SLC26A7: variants seen among roughly 807,000 people sequenced by gnomAD.
SLC26A7 encodes solute carrier family 26 member 7, also known as anion exchange transporter.
Under a neutral mutation model 82.5 loss-of-function variants are expected in SLC26A7, and 59 were observed. The observed-to-expected ratio is 0.72, with a 90% CI of 0.58 to 0.89. The LOEUF (loss-of-function observed/expected upper bound fraction) is 0.89. Among genes scored for constraint, SLC26A7 ranks in the 40% least tolerant of loss-of-function variants. The pLI, the probability that SLC26A7 is intolerant of heterozygous loss-of-function variation, is 0.00. For missense variants in SLC26A7, 820 were observed against 793.0 expected, an observed-to-expected ratio of 1.03 and a Z score of -0.41; for synonymous variants, 271 against 274.3, an observed-to-expected ratio of 0.99 and a Z score of 0.12.
intron 4 of SLC26A7, among the ~76,000 whole-genome samples, chr8:91,308,281 C>G (rs1268670628): frequency 1.5e-5 from 2 of 133,880 alleles, no homozygotes; most frequent in African/African-American, 5.6e-5. Flanking sequence ...GTGTGTGTGT[C>G]TACATATAAT....
At chr8:91,311,756 G>A (rs1322067796) in intron 4 of SLC26A7, among the ~76,000 whole-genome samples, 2 of 152,192 alleles carry the variant, frequency 1.3e-5, no homozygotes, top group African/African-American at 2.4e-5. Context: ...AAGGGGAAAA[G>A]CAGGCTAGGG....
intron 4 of SLC26A7, among the ~76,000 whole-genome samples, chr8:91,297,996 C>T (rs1252120350): frequency 5.3e-5 from 8 of 152,162 alleles, no homozygotes; most frequent in Middle Eastern, 3.2e-3. Context: ...GAAATGCTCT[C>T]ACCTGCAAGG....
intron 3 of SLC26A7, among the ~76,000 whole-genome samples, chr8:91,291,777 C>G (rs911654051): frequency 2.0e-5 from 3 of 152,178 alleles, no homozygotes; most frequent in African/African-American, 7.2e-5. Flanking sequence ...ATCTTATAGT[C>G]TACTTGATAA....
intron 2 of SLC26A7, among the ~76,000 whole-genome samples, chr8:91,270,405 A>C (rs147547261): frequency 0.01 from 1,581 of 152,238 alleles, 19 homozygotes; most frequent in African/African-American, 0.036. Flanking sequence ...GAACTTAAAC[A>C]CTGCACTAGA....
chr8:91,343,430 GACGGCTGGCCTGTACAGC>G lies in SLC26A7; in HGVS notation c.1107_1124del (p.Ala370_Thr375del). 1 of 1,612,766 alleles carries G rather than the reference GACGGCTGGCCTGTACAGC, an allele frequency of 6.2e-7. No homozygotes were observed. The stretch of plus-strand genomic sequence containing the variant: ...TACCAAGTGCTGCTGCCATGGGAAG[GACGGCTGGCCTGTACAGC>G]ACAGGAGCGAAGACACAGGTAACTG... On this transcript the variant is annotated inframe_deletion, in exon 9 of 19. Coordinates refer to ENST00000276609, the MANE Select transcript of SLC26A7 (RefSeq NM_052832.4).
intron 4 of SLC26A7, among the ~76,000 whole-genome samples, chr8:91,309,011 CT>C (rs1315348387): frequency 3.9e-5 from 6 of 152,082 alleles, no homozygotes; most frequent in African/African-American, 1.4e-4. Flanking sequence ...AGCTGTTAGA[CT>C]TTAAGATTTA....
chr8:91,260,995 T>A (rs1810948240), intron 2 of SLC26A7, among the ~76,000 whole-genome samples: 1 of 152,132 alleles, frequency 6.6e-6, no homozygotes, highest in Non-Finnish European at 1.5e-5. Context: ...ATCCTGCTGA[T>A]ATTGTAAACT....
intron 2 of SLC26A7, among the ~76,000 whole-genome samples, chr8:91,259,012 T>C (rs1207129744): frequency 6.6e-6 from 1 of 152,126 alleles, no homozygotes; most frequent in Non-Finnish European, 1.5e-5. Context: ...TTGGCCTCTC[T>C]CACTTTCCTT....
chr8:91,371,708 T>C (rs1814367931), intron 15 of SLC26A7, among the ~76,000 whole-genome samples: 1 of 151,934 alleles, frequency 6.6e-6, no homozygotes, highest in Non-Finnish European at 1.5e-5. Flanking sequence ...AGGATTTTCT[T>C]TGATAAAATG....
chr8:91,327,972 A>T (rs1586414876), intron 5 of SLC26A7, among the ~76,000 whole-genome samples: 1 of 152,144 alleles, frequency 6.6e-6, no homozygotes, highest in Non-Finnish European at 1.5e-5. Flanking sequence ...AAAATGTTTA[A>T]ATCATTTTTT....
At chr8:91,316,061 C>T (rs750075653) in intron 4 of SLC26A7, among the ~76,000 whole-genome samples, 2 of 152,170 alleles carry the variant, frequency 1.3e-5, no homozygotes, top group Non-Finnish European at 2.9e-5. Context: ...TGAAAATCCA[C>T]TGTAATTCAG....
rs886501123 is a variant in SLC26A7, at chr8:91,343,384, T to G, written c.1058T>G (p.Val353Gly). ...TTGGCCCATGGCCTCAGCAATATAGTTTCTTCATTTTTCTTCTGCATACCA... is the reference window on the plus strand; with the variant it reads ...TTGGCCCATGGCCTCAGCAATATAGGTTCTTCATTTTTCTTCTGCATACCA... ...EFLAHGLSNI[V>G]SSFFFCIPSA... The change falls in exon 9 of 19, where the codon GTT (valine) becomes GGT (glycine). Residue 353 changes from valine (V) to glycine (G), a missense_variant. By Grantham distance (109) the Val-to-Gly change is moderately radical. Transcript: ENST00000276609. The G allele has an allele frequency of 6.2e-7, 1 of 1,612,152 alleles. No individual in the cohort carries two copies. Among genetic ancestry groups the G allele is most frequent in the African/African-American group, 1.3e-5 (1 of 74,888 alleles).
chr8:91,296,576 G>C (rs1812022907), intron 4 of SLC26A7, among the ~76,000 whole-genome samples: 1 of 152,112 alleles, frequency 6.6e-6, no homozygotes, highest in African/African-American at 2.4e-5. Flanking sequence ...CTAAAAGAAA[G>C]GAAGCATTAA....
At chr8:91,352,733 A>G (rs1209493366) in intron 10 of SLC26A7, among the ~76,000 whole-genome samples, 168 bp from the exon 11 acceptor site, 1 of 152,076 alleles carries the variant, frequency 6.6e-6, no homozygotes, top group Non-Finnish European at 1.5e-5. Flanking sequence ...CTAAAGTGCA[A>G]TAATAGGTTA....
At chr8:91,246,095 C>G (rs957547543), upstream of SLC26A7, among the ~76,000 whole-genome samples, 2 of 152,138 alleles carry the variant, frequency 1.3e-5, no homozygotes, top group Non-Finnish European at 2.9e-5. Flanking sequence ...TTATTTTTCT[C>G]CTAGAACCTT....
chr8:91,309,263 T>C (rs1812409428), intron 4 of SLC26A7, among the ~76,000 whole-genome samples: 1 of 151,342 alleles, frequency 6.6e-6, no homozygotes, highest in Non-Finnish European at 1.5e-5. Context: ...TTAATTATAT[T>C]ATGTATAATT....
At chr8:91,210,518 A>G (rs1563627708) in intron 1 of SLC26A7, among the ~76,000 whole-genome samples, 6 of 151,314 alleles carry the variant, frequency 4.0e-5, no homozygotes, top group Admixed American at 3.3e-4. Context: ...TCAGATAGAT[A>G]GAACTTTCTT....
At chr8:91,245,603 C>T (rs1810534619), upstream of SLC26A7, among the ~76,000 whole-genome samples, 1 of 152,086 alleles carries the variant, frequency 6.6e-6, no homozygotes, top group Admixed American at 6.6e-5. Context: ...TTGATAACTT[C>T]CAATGTCTGA....
chr8:91,264,988 C>G (rs972354613), intron 2 of SLC26A7, among the ~76,000 whole-genome samples: 7 of 151,832 alleles, frequency 4.6e-5, no homozygotes, highest in Admixed American at 4.6e-4. Context: ...AAAATTTATT[C>G]TCCTATCTAA....
Sources: allele counts gnomAD v4.1 joint callset (sites outside exome capture counted in the v4.1 genomes callset), GRCh38; gene constraint gnomAD v4.1.1; transcripts MANE v1.5; gene names NCBI Gene and HGNC (gene_info 2026-07-23, HGNC 2026-07-21).